BBS9: variants seen among roughly 807,000 people sequenced by gnomAD.
The protein encoded by BBS9 is Bardet-Biedl syndrome 9, also known as protein PTHB1.
BBS9 carries 89 observed loss-of-function variants against 117.7 expected under a neutral mutation model. That is an observed-to-expected ratio of 0.76 (90% CI 0.64 to 0.90). The LOEUF (loss-of-function observed/expected upper bound fraction) is 0.90, where lower values mean the gene tolerates loss of function less well. Ranked by LOEUF, BBS9 falls within the 40% of genes least tolerant of loss-of-function variation. The pLI, the probability that BBS9 is intolerant of heterozygous loss-of-function variation, is 0.00. For synonymous variants in BBS9, 379 were observed against 370.9 expected (o/e 1.02, Z -0.25); for missense variants, 982 against 1,042.2 (o/e 0.94, Z 0.80).
At chr7:33,259,824 T>A (rs1037730849) in intron 6 of BBS9, among the ~76,000 whole-genome samples, 1 of 152,040 alleles carries the variant, frequency 6.6e-6, no homozygotes, top group Non-Finnish European at 1.5e-5. Context: ...CTTAATACTT[T>A]CTCTTATTCA....
intron 5 of BBS9, among the ~76,000 whole-genome samples, chr7:33,202,289 G>A (rs1786018738): frequency 6.6e-6 from 1 of 152,146 alleles, no homozygotes; most frequent in Non-Finnish European, 1.5e-5. Context: ...AAGAAGAGGA[G>A]ATAAAAACTG....
intron 20 of BBS9, among the ~76,000 whole-genome samples, chr7:33,532,779 A>T (rs905441031): frequency 2.0e-5 from 3 of 152,178 alleles, no homozygotes; most frequent in Non-Finnish European, 2.9e-5. Flanking sequence ...AAGTTTGAGG[A>T]TGGAATGATG....
intron 19 of BBS9, among the ~76,000 whole-genome samples, chr7:33,473,437 C>T (rs1274156202): frequency 6.6e-6 from 1 of 151,772 alleles, no homozygotes; most frequent in African/African-American, 2.4e-5. Context: ...AGTTCTCCTG[C>T]CTCAGCCTCC....
chr7:33,421,822 T>C lies in BBS9; in HGVS notation c.2115+33678T>C, dbSNP rs572794697. On this transcript the variant is annotated intron_variant, in intron 19 of 22. Transcript: ENST00000242067. ...TTTCTTAAAGAAAGGACATGGTTGG[T>C]ACCTCCAGATAACACTTGAAAATTA... 2.0e-5 allele frequency among the ~76,000 whole-genome samples: 3 copies of C among 152,316 alleles called. No individual in the cohort carries two copies. The South Asian group carries it at 6.2e-4, about 32-fold the overall frequency.
chr7:33,322,288 G>A (rs537017756), intron 9 of BBS9, among the ~76,000 whole-genome samples: 1 of 147,342 alleles, frequency 6.8e-6, no homozygotes, highest in South Asian at 2.2e-4. Flanking sequence ...AATAATTTAA[G>A]TAGAATTGGT....
intron 9 of BBS9, among the ~76,000 whole-genome samples, chr7:33,308,327 T>A (rs1808470531): frequency 1.3e-5 from 2 of 152,130 alleles, no homozygotes; most frequent in South Asian, 4.1e-4. Context: ...AAGGCCAGAA[T>A]TAAGGGATAG....
chr7:33,256,484 T>C (rs1797099468), intron 5 of BBS9, among the ~76,000 whole-genome samples: 1 of 122,758 alleles, frequency 8.1e-6, no homozygotes, highest in Non-Finnish European at 2.1e-5. Flanking sequence ...TTCTCTCTCT[T>C]TTTTTCTTTT....
chr7:33,438,327 A>G (rs1302167917), intron 19 of BBS9, among the ~76,000 whole-genome samples: 1 of 152,226 alleles, frequency 6.6e-6, no homozygotes, highest in Non-Finnish European at 1.5e-5. Context: ...AAAATCAAAG[A>G]TTGATAAATT....
intron 1 of BBS9, among the ~76,000 whole-genome samples, chr7:33,138,500 A>G (rs1333602006): frequency 6.6e-6 from 1 of 151,128 alleles, no homozygotes; most frequent in Non-Finnish European, 1.5e-5. Context: ...TAAGCTTTTG[A>G]GTGATACAGA....
At chr7:33,198,588 A>G (rs10486521) in intron 5 of BBS9, among the ~76,000 whole-genome samples, 15,537 of 152,000 alleles carry the variant, frequency 0.1, 1,125 homozygotes, top group Non-Finnish European at 0.16. Flanking sequence ...TTCCTCAACA[A>G]TCTGTCTGAA....
intron 20 of BBS9, among the ~76,000 whole-genome samples, chr7:33,509,847 A>G (rs559241683): frequency 2.0e-5 from 3 of 152,304 alleles, no homozygotes; most frequent in South Asian, 2.1e-4. Context: ...TCTCCACACT[A>G]TATTGTCAGT....
At chr7:33,234,263 G>A (rs1272892281) in intron 5 of BBS9, among the ~76,000 whole-genome samples, 1 of 152,038 alleles carries the variant, frequency 6.6e-6, no homozygotes, top group Non-Finnish European at 1.5e-5. Context: ...TAAGGTTTCA[G>A]GCATCCACTG....
intron 9 of BBS9, among the ~76,000 whole-genome samples, chr7:33,307,078 C>G (rs1808178108): frequency 6.6e-6 from 1 of 152,120 alleles, no homozygotes; most frequent in African/African-American, 2.4e-5. Context: ...CAATTTGAAT[C>G]ACAATTCACT....
chr7:33,283,572 A>G (rs909061137), intron 9 of BBS9, among the ~76,000 whole-genome samples: 1 of 152,122 alleles, frequency 6.6e-6, no homozygotes, highest in Admixed American at 6.5e-5. Context: ...TCTCCAAACA[A>G]TGAAAAAAAG....
chr7:33,585,356 A>G (rs1460415101), intron 21 of BBS9, among the ~76,000 whole-genome samples: 2 of 152,122 alleles, frequency 1.3e-5, no homozygotes, highest in Non-Finnish European at 2.9e-5. Context: ...TTGCCAGTCT[A>G]GAACTCAGAT....
chr7:33,515,913 T>A (rs1308920903), intron 20 of BBS9, among the ~76,000 whole-genome samples: 2 of 152,228 alleles, frequency 1.3e-5, no homozygotes, highest in Admixed American at 6.5e-5. Context: ...CTAACTACAC[T>A]ATTTCCATAC....
At chr7:33,424,449 C>T (rs757375396) in intron 19 of BBS9, among the ~76,000 whole-genome samples, 12 of 152,142 alleles carry the variant, frequency 7.9e-5, no homozygotes, top group South Asian at 2.1e-4. Context: ...AAATTTCAAA[C>T]GAGAAGAGAT....
chr7:33,260,034 C>T (rs1308565801), intron 6 of BBS9, among the ~76,000 whole-genome samples: 3 of 147,488 alleles, frequency 2.0e-5, no homozygotes, highest in Non-Finnish European at 3.0e-5. Context: ...GAGTCTTGCT[C>T]TGTCGCCCAG....
rs1796302766 is a variant in BBS9 at position 33,170,065 on chromosome 7, C to A, written c.329-7413C>A. On this transcript the variant is annotated intron_variant, in intron 4 of 22. Coordinates refer to ENST00000242067, the MANE Select transcript of BBS9 (RefSeq NM_198428.3). ...CCATTCCTTCTGAAACTATTCCAAT[C>A]AATAGAAAAAGAGGGAATCCTCCCT... is the stretch of plus-strand genomic sequence containing the variant. Among the ~76,000 whole-genome samples, 8 of 151,922 alleles carry A rather than the reference C, an allele frequency of 5.3e-5. No individual in the cohort carries two copies. In the South Asian group the frequency reaches 1.7e-3, roughly 32 times the overall value.
Sources: allele counts gnomAD v4.1 joint callset (sites outside exome capture counted in the v4.1 genomes callset), GRCh38; gene constraint gnomAD v4.1.1; transcripts MANE v1.5; gene names NCBI Gene and HGNC (gene_info 2026-07-23, HGNC 2026-07-21).